CASP5: variants seen among roughly 807,000 people sequenced by gnomAD.
CASP5 encodes the protein caspase-5.
Under a neutral mutation model 45.2 loss-of-function variants are expected in CASP5, and 42 were observed. The observed-to-expected ratio is 0.93, with a 90% confidence interval of 0.73 to 1.20. The LOEUF is 1.20. CASP5 is among the 50% of genes most tolerant of loss of function. The pLI is 0.00. For synonymous variants in CASP5, 209 were observed against 186.2 expected (o/e 1.12, Z -1.00); for missense variants, 512 against 532.2 (o/e 0.96, Z 0.37).
chr11:105,019,860 G>A (rs1422370389), intron 1 of CASP5, among the ~76,000 whole-genome samples: 2,332 of 137,658 alleles, frequency 0.017, 20 homozygotes, highest in African/African-American at 0.02. Context: ...CCAAAAAAGA[G>A]AATTTTAGAC....
rs1861598347 is a variant in CASP5, at chr11:104,998,970, T to G, written c.1011A>C (p.Ser337=). ...CTGCCTCCAGGTTCTCAGATGACTG[T>G]GAAGAGATGAGTGCCAAGGATGCTG... is the stretch of plus-strand genomic sequence containing the variant. ...DSPASLALIS[S]QSSENLEADS... Residue 337 remains serine (S), a synonymous_variant, in exon 7 of 10, where the codon TCA becomes TCC. Coordinates refer to ENST00000260315, the MANE Select transcript of CASP5 (RefSeq NM_004347.5). 1 of 1,613,740 alleles carries G rather than the reference T, an allele frequency of 6.2e-7. No homozygotes were observed. The highest frequency in any genetic ancestry group is 1.3e-5 in the African/African-American group (1 of 74,924).
At position 105,008,877 on chromosome 11, in the gene CASP5, G is replaced by T. The variant is rs1211435681; in HGVS notation, c.111C>A (p.Asn37Lys). 2.5e-6 allele frequency: 4 copies of T among 1,612,952 alleles called. No individual in the cohort carries two copies. Among genetic ancestry groups the T allele is most frequent in the Non-Finnish European group, 3.4e-6 (4 of 1,179,320 alleles). Residue 37 changes from asparagine to lysine, a missense_variant, in exon 2 of 10, where the codon AAC becomes AAA. By Grantham distance (94) the Asn-to-Lys change is moderately conservative. Coordinates refer to ENST00000260315, the MANE Select transcript of CASP5 (RefSeq NM_004347.5). ...DNFVINHMLKNNVAGQTSIQT... is the reference protein window; with the variant it reads ...DNFVINHMLKKNVAGQTSIQT... ...GGATAGATGTTTGTCCAGCCACGTT[G>T]TTCTTTAGCATGTGGTTTATCACGA...
At chr11:105,015,938 G>A (rs537462737) in intron 1 of CASP5, among the ~76,000 whole-genome samples, 2 of 152,208 alleles carry the variant, frequency 1.3e-5, no homozygotes, top group East Asian at 1.9e-4. Flanking sequence ...TCTTATGAAC[G>A]TAAAAATCGT....
intron 3 of CASP5, 64 bp downstream of exon 3, chr11:105,007,019 G>T: frequency 7.4e-7 from 1 of 1,344,204 alleles, no homozygotes; most frequent in Non-Finnish European, 1.0e-6. Context: ...AACACTGCAT[G>T]GGCCTTGGAG....
At chr11:105,019,166 G>A (rs1203766045) in intron 1 of CASP5, among the ~76,000 whole-genome samples, 1 of 150,646 alleles carries the variant, frequency 6.6e-6, no homozygotes, top group African/African-American at 2.4e-5. Flanking sequence ...GTGTGTAGAG[G>A]GAAATTTATA....
chr11:105,003,440 AC>A (rs1260552594), intron 3 of CASP5, 57 bp from the exon 4 acceptor site: 1 of 880,496 alleles, frequency 1.1e-6, no homozygotes, highest in Admixed American at 2.3e-5. Flanking sequence ...CCAATTTATC[AC>A]CTAAGAACTT....
In CASP5 at chr11:105,002,285, A is replaced by G. The variant is rs571766768; in HGVS notation, c.544-84T>C. On this transcript the variant is annotated intron_variant, in intron 4 of 9. Transcript: ENST00000260315. ...TGCCTCACAATTTTGCTTTTTTAAG[A>G]CCTCATGCAGCTGCCACCTTCCCTA... 2.1e-5 allele frequency: 25 copies of G among 1,175,522 alleles called. 1 individual carries two copies. The Admixed American group carries it at 4.7e-4, about 22-fold the overall frequency. 72.8% of individuals were successfully genotyped at this position (1,175,522 alleles called of 1,614,324 possible).
At chr11:105,022,352 T>A (rs990404609) in intron 1 of CASP5, among the ~76,000 whole-genome samples, 2 of 151,842 alleles carry the variant, frequency 1.3e-5, no homozygotes, top group Admixed American at 1.3e-4. Context: ...AGACTGCAGA[T>A]TATTCATATA....
At chr11:104,997,860 G>A (rs758027300) in intron 7 of CASP5, among the ~76,000 whole-genome samples, 1 of 152,184 alleles carries the variant, frequency 6.6e-6, no homozygotes, top group African/African-American at 2.4e-5. Flanking sequence ...TTTAGGTTCA[G>A]TGAGGAAGCA....
In CASP5 at chr11:104,998,867, T is replaced by C; in HGVS notation, c.1096+18A>G. The C allele has an allele frequency of 1.2e-6, 2 of 1,607,416 alleles. No homozygotes were observed. The highest frequency in any genetic ancestry group is 1.7e-6 in the Non-Finnish European group (2 of 1,177,402). On this transcript the variant is annotated intron_variant, in intron 7 of 9. Transcript: ENST00000260315. ...CTCAGCACCCCCAAATTTTTGACTG[T>C]TACTAAAAGACACATACGTGGTGTT...
chr11:105,007,258 A>C lies in CASP5; in HGVS notation c.258T>G (p.Tyr86Ter), dbSNP rs757797495. ...ATGTCAGAACATCGTGTTTTGCCAAATAATTAAAAACACCATGAAGAACAT... is the reference window on the plus strand; with the variant it reads ...ATGTCAGAACATCGTGTTTTGCCAACTAATTAAAAACACCATGAAGAACAT... Reference protein sequence around the residue: ...GKDVLHGVFNYLAKHDVLTLK... With the variant: ...GKDVLHGVFN The change falls in exon 3 of 10, where the codon TAT (tyrosine) becomes TAG (stop). Residue 86 changes from tyrosine to a stop codon, truncating the protein, a stop_gained. Transcript: ENST00000260315. LOFTEE classifies it high-confidence loss of function. 3 of 1,612,584 alleles carry C rather than the reference A, an allele frequency of 1.9e-6. No individual in the cohort carries two copies. Among genetic ancestry groups the C allele is most frequent in the Non-Finnish European group, 2.5e-6 (3 of 1,179,734 alleles).
At chr11:105,001,705 T>C (rs1276931329) in intron 5 of CASP5, among the ~76,000 whole-genome samples, 4 of 152,178 alleles carry the variant, frequency 2.6e-5, no homozygotes, top group Middle Eastern at 3.2e-3. Context: ...CTAAAACACA[T>C]TACTCTGTGA....
intron 3 of CASP5, among the ~76,000 whole-genome samples, chr11:105,006,320 G>A (rs3181173): frequency 0.059 from 8,984 of 152,194 alleles, 805 homozygotes; most frequent in African/African-American, 0.2. Flanking sequence ...TATTGCATGC[G>A]TATACTTCAT....
intron 7 of CASP5, among the ~76,000 whole-genome samples, chr11:104,998,243 T>C (rs1038459803): frequency 1.3e-5 from 2 of 152,196 alleles, no homozygotes; most frequent in Non-Finnish European, 2.9e-5. Flanking sequence ...AGTTTTCATA[T>C]GTCAGCTATG....
chr11:105,023,159 G>GT lies in CASP5; in HGVS notation c.-24dup, dbSNP rs1241491635. Reference sequence around the variant, plus strand: ...CATAGCTAACAGCCTCTGTCTCTTTGTACAGCACTGGAAAGTGCCTCAGAC... The same window carrying GT: ...CATAGCTAACAGCCTCTGTCTCTTTGTTACAGCACTGGAAAGTGCCTCAGAC... On this transcript the variant is annotated 5_prime_UTR_variant, in exon 1 of 10. Coordinates refer to ENST00000260315, the MANE Select transcript of CASP5 (RefSeq NM_004347.5). 2 of 1,550,558 alleles carry GT rather than the reference G, an allele frequency of 1.3e-6. No individual in the cohort carries two copies. The highest frequency in any genetic ancestry group is 4.9e-5 in the East Asian group (2 of 40,918).
At chr11:104,999,328 A>T (rs1489759789) in intron 6 of CASP5, among the ~76,000 whole-genome samples, 1 of 151,900 alleles carries the variant, frequency 6.6e-6, no homozygotes. Context: ...TCCTGTGTTA[A>T]TTTGCTGAGG....
intron 1 of CASP5, among the ~76,000 whole-genome samples, chr11:105,009,758 T>C (rs60721954): frequency 0.32 from 28,459 of 90,044 alleles, 4,626 homozygotes; most frequent in Non-Finnish European, 0.36. Context: ...TATATATATA[T>C]ACACACACAC....
intron 1 of CASP5, among the ~76,000 whole-genome samples, chr11:105,017,168 A>T (rs1270016861): frequency 1.3e-5 from 2 of 152,206 alleles, no homozygotes; most frequent in South Asian, 4.1e-4. Context: ...CATCACCATC[A>T]TCAAAGACCA....
rs766536261 is a variant in CASP5 at position 104,998,950 on chromosome 11, T to A, written c.1031A>T (p.Glu344Val). ...GTGGATCTTGCAAACAGAATCTGCC[T>A]CCAGGTTCTCAGATGACTGTGAAGA... is the stretch of plus-strand genomic sequence containing the variant. ...LISSQSSENLEADSVCKIHEE... is the reference protein window; with the variant it reads ...LISSQSSENLVADSVCKIHEE... Residue 344 changes from glutamate to valine, a missense_variant, in exon 7 of 10, where the codon GAG (glutamate) becomes GTG (valine). Transcript: ENST00000260315. The A allele has an allele frequency of 5.6e-6, 9 of 1,613,206 alleles. No homozygotes were observed. Among genetic ancestry groups the A allele is most frequent in the Admixed American group, 1.7e-5 (1 of 59,996 alleles).
Sources: gnomAD v4.1 joint callset for allele counts (sites outside exome capture counted in the v4.1 genomes callset) on GRCh38, gnomAD v4.1.1 for gene constraint, MANE v1.5 for transcripts, NCBI Gene and HGNC (gene_info 2026-07-23, HGNC 2026-07-21) for gene names.